Variants in FBXO11 observed in about 807,000 individuals in gnomAD.
The protein encoded by FBXO11 is F-box only protein 11.
In FBXO11, 13 loss-of-function variants were observed where a neutral mutation model predicts 117.0. The observed-to-expected ratio is 0.11, with a 90% CI of 0.07 to 0.18. The LOEUF is 0.18. Among genes scored for constraint, FBXO11 ranks in the 10% least tolerant of loss-of-function variants. The pLI is 1.00. For synonymous variants in FBXO11, 490 were observed against 380.5 expected (o/e 1.29, Z -3.35); for missense variants, 767 against 1,164.4 (o/e 0.66, Z 4.97).
At chr2:47,818,464 T>A in intron 16 of FBXO11, 1 of 238,698 alleles carries the variant, frequency 4.2e-6, no homozygotes, top group Non-Finnish European at 8.0e-6. Flanking sequence ...ATGCCAGGCA[T>A]AATGCACAAG....
Position 47,823,313 on chromosome 2 carries a change from A to T in FBXO11, c.1446T>A (p.Phe482Leu). The T allele has an allele frequency of 6.2e-7, 1 of 1,613,744 alleles. No homozygotes were observed. The highest frequency in any genetic ancestry group is 8.5e-7 in the Non-Finnish European group (1 of 1,179,836). Residue 482 changes from phenylalanine (F) to leucine (L), a missense_variant, in exon 12 of 23, where the codon TTT becomes TTA. Physicochemically the swap from Phe to Leu is conservative, Grantham distance 22 (BLOSUM62 0). Around this residue, in one of 10 missense-constraint regions of FBXO11, gnomAD observed 67 missense variants for 148.8 expected, o/e 0.45. Coordinates refer to ENST00000403359, the MANE Select transcript of FBXO11 (RefSeq NM_001190274.2). The part of the protein sequence containing the change: ...CNIHRNRIAG[F>L]EVKAYANPTV... ...TAGGGTTAGCATAGGCTTTTACTTC[A>T]AAGCCTGCTATCCTATTTCTGTGTA... is the stretch of plus-strand genomic sequence containing the variant.
rs1670814480 is a variant in FBXO11, at chr2:47,813,925, G to GTTACGTGA, written c.2007-66_2007-59dup. On this transcript the variant is annotated intron_variant, in intron 16 of 22. Coordinates refer to ENST00000403359, the MANE Select transcript of FBXO11 (RefSeq NM_001190274.2). ...ATAGCTTCTACTCCCATATCTTCAT[G>GTTACGTGA]TTACGTGAGGTAAACAGTGGAGAAA... The GTTACGTGA allele has an allele frequency of 6.3e-6, 8 of 1,264,470 alleles. No individual in the cohort carries two copies. In the South Asian group the frequency reaches 9.6e-5, roughly 15 times the overall value. The allele number at this position is 1,264,470 out of a possible 1,614,324, so 78.3% of individuals were successfully genotyped here.
chr2:47,835,826 T>C (rs775821030), intron 5 of FBXO11, 46 bp downstream of exon 5: 16 of 1,442,930 alleles, frequency 1.1e-5, no homozygotes, highest in Non-Finnish European at 1.5e-5. Flanking sequence ...GAAAGTTATT[T>C]ACAAATGTAT....
intron 1 of FBXO11, among the ~76,000 whole-genome samples, chr2:47,853,075 A>ATT (rs747774373): frequency 2.0e-5 from 3 of 146,976 alleles, no homozygotes; most frequent in African/African-American, 5.0e-5. Flanking sequence ...AATTTGAAGA[A>ATT]TTTTTTTTTT....
chr2:47,875,737 T>C (rs995120834), intron 1 of FBXO11, among the ~76,000 whole-genome samples: 2 of 152,192 alleles, frequency 1.3e-5, no homozygotes, highest in African/African-American at 4.8e-5. Context: ...ATATCTACCC[T>C]TCTAAATAGT....
chr2:47,901,083 GTACATATATA>G (rs1410873880), intron 1 of FBXO11, among the ~76,000 whole-genome samples: 79 of 124,334 alleles, frequency 6.4e-4, no homozygotes, highest in African/African-American at 1.6e-3. Context: ...ACACACGTGT[GTACATATATA>G]TACATATATA....
At chr2:47,854,386 T>C (rs1403891959) in intron 1 of FBXO11, among the ~76,000 whole-genome samples, 1 of 152,018 alleles carries the variant, frequency 6.6e-6, no homozygotes, top group Non-Finnish European at 1.5e-5. Flanking sequence ...CTATAAAGTT[T>C]TCCACAACTT....
intron 1 of FBXO11, among the ~76,000 whole-genome samples, chr2:47,878,879 T>TGAGGCAGGAGAATCACTTGAATTGGG (rs1558467007): frequency 6.6e-6 from 1 of 151,994 alleles, no homozygotes; most frequent in Non-Finnish European, 1.5e-5. Flanking sequence ...CTCGAGAGGC[T>TGAGGCAGGAGAATCACTTGAATTGGG]GAGGCAGGAG....
At chr2:47,876,428 T>C (rs1489125968) in intron 1 of FBXO11, among the ~76,000 whole-genome samples, 1 of 152,242 alleles carries the variant, frequency 6.6e-6, no homozygotes, top group African/African-American at 2.4e-5. Context: ...TCTTTGGTTC[T>C]CCCATCAAGC....
At position 47,906,027 on chromosome 2, in the gene FBXO11, AAG is replaced by A; in HGVS notation, c.-309_-308del. 4.2e-6 allele frequency: 1 copy of A among 236,188 alleles called. No homozygotes were observed. Among genetic ancestry groups the A allele is most frequent in the East Asian group, 8.9e-5 (1 of 11,286 alleles). 14.6% of individuals were successfully genotyped at this position (236,188 alleles called of 1,614,324 possible). A position where few individuals can be genotyped will look rare whatever the true frequency, so the allele number is the denominator to read the frequency against. On this transcript the variant is annotated 5_prime_UTR_variant, in exon 1 of 23. Transcript: ENST00000403359. The stretch of plus-strand genomic sequence containing the variant: ...AAAGACGGGCAGACCGAGAGAAAGA[AAG>A]AAAGGGCGTCCGCCGCTTGGGGATC...
rs965402603 is a variant in FBXO11, at chr2:47,827,139, G to A, written c.1399-3779C>T. On this transcript the variant is annotated intron_variant, in intron 11 of 22. Transcript: ENST00000403359. The stretch of plus-strand genomic sequence containing the variant: ...TTTCAAGAAAATAAAGCAGCAAAAA[G>A]TTTTCTTTTCTCAACGACCTTAAAA... 2.0e-5 allele frequency among the ~76,000 whole-genome samples: 3 copies of A among 152,114 alleles called. No homozygotes were observed. The East Asian group carries it at 5.8e-4, about 29-fold the overall frequency.
chr2:47,813,180 T>C lies in FBXO11; in HGVS notation c.2227+54A>G, dbSNP rs1383277161. On this transcript the variant is annotated intron_variant, in intron 18 of 22. Coordinates refer to ENST00000403359, the MANE Select transcript of FBXO11 (RefSeq NM_001190274.2). The stretch of plus-strand genomic sequence containing the variant: ...GCAATGTCATTGATCATTAAAGATA[T>C]GGAAGAATAATGGAAAACTGGATTT... 1.1e-5 allele frequency: 17 copies of C among 1,533,296 alleles called. No individual in the cohort carries two copies. The Admixed American group carries it at 1.2e-4, about 11-fold the overall frequency. The allele number at this position is 1,533,296 out of a possible 1,614,324, so 95.0% of individuals were successfully genotyped here. A position where few individuals can be genotyped will look rare whatever the true frequency, so the allele number is the denominator to read the frequency against.
At chr2:47,847,033 C>T (rs1005177946) in intron 1 of FBXO11, among the ~76,000 whole-genome samples, 2 of 152,024 alleles carry the variant, frequency 1.3e-5, no homozygotes, top group African/African-American at 2.4e-5. Flanking sequence ...CATCTGAGGC[C>T]AGGAGTTCAA....
intron 18 of FBXO11, among the ~76,000 whole-genome samples, chr2:47,812,378 T>G (rs532958548): frequency 4.8e-4 from 73 of 152,182 alleles, no homozygotes; most frequent in Non-Finnish European, 9.3e-4. Context: ...CCAGTAAATA[T>G]CTACTCATTT....
At chr2:47,864,887 T>C (rs759398736) in intron 1 of FBXO11, among the ~76,000 whole-genome samples, 3 of 152,248 alleles carry the variant, frequency 2.0e-5, no homozygotes, top group Non-Finnish European at 4.4e-5. Flanking sequence ...AAGAACACTC[T>C]TTCCTCATTT....
At chr2:47,858,660 CAACA>C in intron 1 of FBXO11, among the ~76,000 whole-genome samples, 1 of 104,952 alleles carries the variant, frequency 9.5e-6, no homozygotes, top group Non-Finnish European at 1.8e-5. Flanking sequence ...CCAGCCTGGG[CAACA>C]GAGTGAGACT....
intron 12 of FBXO11, 117 bp downstream of exon 12, chr2:47,823,026 A>G (rs965555713): frequency 4.6e-6 from 3 of 653,184 alleles, no homozygotes; most frequent in African/African-American, 3.7e-5. Flanking sequence ...AGGAAAATCT[A>G]TTTTATAGTA....
At chr2:47,821,492 C>G (rs1431035777) in intron 13 of FBXO11, among the ~76,000 whole-genome samples, 1 of 152,098 alleles carries the variant, frequency 6.6e-6, no homozygotes, top group Non-Finnish European at 1.5e-5. Context: ...CGCCTGTAGT[C>G]CCAGCTACTT....
intron 1 of FBXO11, among the ~76,000 whole-genome samples, chr2:47,853,624 T>C (rs1007511496): frequency 6.6e-6 from 1 of 152,198 alleles, no homozygotes; most frequent in East Asian, 1.9e-4. Flanking sequence ...TTAGCCTCTT[T>C]AACTTAAGCT....
Sources: allele counts gnomAD v4.1 joint callset (sites outside exome capture counted in the v4.1 genomes callset), GRCh38; gene constraint gnomAD v4.1.1; regional missense constraint gnomAD v4.1.1; transcripts MANE v1.5; gene names NCBI Gene and HGNC (gene_info 2026-07-23, HGNC 2026-07-21).